The following TMEM67 variants were observed in gnomAD, a reference collection of about 807,000 sequenced individuals.
The protein encoded by TMEM67 is meckelin.
Under a neutral mutation model 136.6 loss-of-function variants are expected in TMEM67, and 124 were observed. The observed-to-expected ratio is 0.91, with a 90% confidence interval of 0.78 to 1.05. The LOEUF is 1.05. Among genes scored for constraint, TMEM67 ranks in the 50% least tolerant of loss-of-function variants. The pLI is 0.00. For missense variants in TMEM67, 1,107 were observed against 1,178.4 expected, an observed-to-expected ratio of 0.94 and a Z score of 0.89; for synonymous variants, 364 against 390.5, an observed-to-expected ratio of 0.93 and a Z score of 0.80.
At chr8:93,826,161 T>C in the TMEM67 span, among the ~76,000 whole-genome samples, 1 of 110,930 alleles carries the variant, frequency 9.0e-6, no homozygotes, top group Admixed American at 1.3e-4. Flanking sequence ...TGAGTCGGAG[T>C]CTCTTTCACC....
intron 10 of TMEM67, among the ~76,000 whole-genome samples, chr8:93,782,045 C>G (rs912986372): frequency 3.9e-5 from 6 of 152,070 alleles, no homozygotes; most frequent in Non-Finnish European, 8.8e-5. Flanking sequence ...CAGCTGGGAG[C>G]TGGAACTACA....
intron 16 of TMEM67, 25 bp downstream of exon 16, chr8:93,793,321 A>C: frequency 6.4e-7 from 1 of 1,570,862 alleles, no homozygotes; most frequent in Non-Finnish European, 8.8e-7. Context: ...GTTTTTTAAG[A>C]ATATTTTTAT....
At chr8:93,774,420 G>C (rs966373208) in intron 7 of TMEM67, among the ~76,000 whole-genome samples, 2 of 152,154 alleles carry the variant, frequency 1.3e-5, no homozygotes, top group Non-Finnish European at 2.9e-5. Context: ...ATGCAGGTTT[G>C]TTACATAGGT....
chr8:93,785,516 A>G, intron 12 of TMEM67, 138 bp downstream of exon 12: 1 of 788,472 alleles, frequency 1.3e-6, no homozygotes, highest in Non-Finnish European at 2.0e-6. Flanking sequence ...AGTGTGCCAA[A>G]AAATGAAACA....
chr8:93,829,382 C>CTGTG, the TMEM67 span, among the ~76,000 whole-genome samples: 204 of 137,588 alleles, frequency 1.5e-3, no homozygotes, highest in Middle Eastern at 7.4e-3. Context: ...CTCTCTCTCT[C>CTGTG]TGTGTGTGTG....
rs1813878286 is a variant in TMEM67, at chr8:93,782,394, G to A, written c.1066-1G>A. Reference sequence around the variant, plus strand: ...TTATCTGTTGTATTATTTTGCTGCAGCTTTGTCCAGACACAGAGACAAGGC... The same window carrying A: ...TTATCTGTTGTATTATTTTGCTGCAACTTTGTCCAGACACAGAGACAAGGC... On this transcript the variant is annotated splice_acceptor_variant, in intron 10 of 27. Transcript: ENST00000453321. LOFTEE classifies it high-confidence loss of function. The A allele has an allele frequency of 6.2e-7, 1 of 1,611,628 alleles. No homozygotes were observed. The highest frequency in any genetic ancestry group is 1.7e-5 in the Admixed American group (1 of 59,976).
chr8:93,795,517 T>G lies in TMEM67; in HGVS notation c.1773+10T>G. 1 of 1,598,740 alleles carries G rather than the reference T, an allele frequency of 6.3e-7. No individual in the cohort carries two copies. ...GCTTATTTTCTTCAAAGTGAGTGAG[T>G]TTCTGAATTTTCCCCAACTGCCAAT... On this transcript the variant is annotated intron_variant, in intron 17 of 27. Coordinates refer to ENST00000453321, the MANE Select transcript of TMEM67 (RefSeq NM_153704.6).
chr8:93,808,796 T>G, intron 23 of TMEM67, 44 bp from the exon 24 acceptor site: 1 of 1,302,354 alleles, frequency 7.7e-7, no homozygotes, highest in Non-Finnish European at 1.1e-6. Context: ...AGGCAGGAAA[T>G]TTTTTATAAT....
chr8:93,764,397 T>G (rs1812987625), intron 4 of TMEM67, among the ~76,000 whole-genome samples: 1 of 152,194 alleles, frequency 6.6e-6, no homozygotes, highest in Non-Finnish European at 1.5e-5. Flanking sequence ...TATTATAATG[T>G]TACATAGAAA....
At chr8:93,776,930 C>T (rs1021690776) in intron 7 of TMEM67, among the ~76,000 whole-genome samples, 1 of 152,166 alleles carries the variant, frequency 6.6e-6, no homozygotes, top group Non-Finnish European at 1.5e-5. Context: ...AGGAATGATA[C>T]CAGCTCCTCT....
intron 23 of TMEM67, 134 bp downstream of exon 23, chr8:93,805,012 AC>A: frequency 1.6e-6 from 1 of 606,648 alleles, no homozygotes; most frequent in Non-Finnish European, 3.0e-6. Context: ...TCCCTCTGTC[AC>A]CCAGGCTGGA....
intron 15 of TMEM67, 109 bp downstream of exon 15, chr8:93,791,428 A>T (rs879477208): frequency 1.4e-4 from 105 of 731,836 alleles, no homozygotes; most frequent in Non-Finnish European, 2.1e-4. Flanking sequence ...CTTTCCCCAG[A>T]CTCCCCTAAT....
chr8:93,784,471 C>A (rs1814003589), intron 11 of TMEM67, among the ~76,000 whole-genome samples: 1 of 152,154 alleles, frequency 6.6e-6, no homozygotes, highest in African/African-American at 2.4e-5. Context: ...TTTCTTTGAA[C>A]CTGGCTAACT....
At chr8:93,777,465 T>C (rs992855826) in intron 7 of TMEM67, among the ~76,000 whole-genome samples, 2 of 152,204 alleles carry the variant, frequency 1.3e-5, no homozygotes, top group African/African-American at 4.8e-5. Context: ...TTTTAGATCT[T>C]TCCTGCTTTC....
At chr8:93,800,145 A>AG (rs1236346405) in intron 21 of TMEM67, among the ~76,000 whole-genome samples, 1 of 152,126 alleles carries the variant, frequency 6.6e-6, no homozygotes, top group East Asian at 1.9e-4. Context: ...TCCTGACCTC[A>AG]GGTGATCCAT....
At chr8:93,820,579 C>T (rs1189232115), downstream of TMEM67, among the ~76,000 whole-genome samples, 1 of 152,208 alleles carries the variant, frequency 6.6e-6, no homozygotes, top group Admixed American at 6.5e-5. Context: ...GCACCACTTA[C>T]TGGCTGTGCA....
intron 6 of TMEM67, among the ~76,000 whole-genome samples, chr8:93,769,322 C>T (rs768577434): frequency 2.0e-5 from 3 of 152,220 alleles, no homozygotes; most frequent in Non-Finnish European, 4.4e-5. Flanking sequence ...GTGGAGGAAG[C>T]GAGGTCAGCC....
At chr8:93,758,415 G>C in intron 2 of TMEM67, 68 bp from the exon 3 acceptor site, 1 of 1,198,944 alleles carries the variant, frequency 8.3e-7, no homozygotes, top group Non-Finnish European at 1.2e-6. Context: ...ATGGCATTTT[G>C]AACTTACATG....
rs756853990 is a variant in TMEM67 at position 93,791,214 on chromosome 8, T to G, written c.1519-49T>G. 1.1e-5 allele frequency: 14 copies of G among 1,252,050 alleles called. No homozygotes were observed. In the African/African-American group the frequency reaches 1.9e-4, roughly 17 times the overall value. 77.6% of individuals were successfully genotyped at this position (1,252,050 alleles called of 1,614,324 possible). On this transcript the variant is annotated intron_variant, in intron 14 of 27. Coordinates refer to ENST00000453321, the MANE Select transcript of TMEM67 (RefSeq NM_153704.6). ...TGTATTTTTATAACAAAAATAAGTTTGTATCATATAATTTCAGTATAGCTA... is the reference window on the plus strand; with the variant it reads ...TGTATTTTTATAACAAAAATAAGTTGGTATCATATAATTTCAGTATAGCTA...
Sources: gnomAD v4.1 joint callset for allele counts (sites outside exome capture counted in the v4.1 genomes callset) on GRCh38, gnomAD v4.1.1 for gene constraint, MANE v1.5 for transcripts, NCBI Gene and HGNC (gene_info 2026-07-23, HGNC 2026-07-21) for gene names.